VTI1A: variants seen among roughly 807,000 people sequenced by gnomAD.
VTI1A encodes the protein vesicle transport through interaction with t-SNAREs homolog 1A.
Under a neutral mutation model 34.9 loss-of-function variants are expected in VTI1A, and 22 were observed. That is an observed-to-expected ratio of 0.63 (90% confidence interval 0.45 to 0.90). The LOEUF is 0.90. VTI1A is among the 40% of genes least tolerant of loss of function. The probability of loss-of-function intolerance (pLI) is 0.00; values close to 1 mark genes in which losing one functional copy is unlikely to be tolerated. For synonymous variants in VTI1A, 87 were observed against 97.3 expected (o/e 0.89, Z 0.62); for missense variants, 268 against 275.6 (o/e 0.97, Z 0.20).
chr10:112,508,112 T>C (rs1849492522), intron 3 of VTI1A, among the ~76,000 whole-genome samples: 1 of 152,220 alleles, frequency 6.6e-6, no homozygotes, highest in Non-Finnish European at 1.5e-5. Flanking sequence ...TCCTGTGTTA[T>C]TCTTTACATA....
intron 7 of VTI1A, among the ~76,000 whole-genome samples, chr10:112,753,679 C>T (rs552483679): frequency 6.6e-6 from 1 of 152,240 alleles, no homozygotes; most frequent in East Asian, 1.9e-4. Context: ...AGACTTTTTT[C>T]CCCAGACTTC....
intron 3 of VTI1A, among the ~76,000 whole-genome samples, chr10:112,498,866 A>G (rs1157277098): frequency 6.6e-6 from 1 of 152,192 alleles, no homozygotes; most frequent in Non-Finnish European, 1.5e-5. Flanking sequence ...TGTCACTTTA[A>G]TAAATGTCTT....
At chr10:112,757,740 T>TA (rs1387773802) in intron 7 of VTI1A, among the ~76,000 whole-genome samples, 23 of 152,192 alleles carry the variant, frequency 1.5e-4, no homozygotes, top group Non-Finnish European at 2.8e-4. Flanking sequence ...TGTTTCTTTT[T>TA]AAAAACTTGA....
Position 112,716,040 on chromosome 10 carries a change from C to T in VTI1A, c.560+47042C>T, listed in dbSNP as rs539602135. On this transcript the variant is annotated intron_variant, in intron 7 of 7. Transcript: ENST00000393077. Reference sequence around the variant, plus strand: ...AGCCCAGGGACCTGCCAGCTGGGAGCGGACCCCTAGAAGGGGATCTAGTGG... The same window carrying T: ...AGCCCAGGGACCTGCCAGCTGGGAGTGGACCCCTAGAAGGGGATCTAGTGG... Among the ~76,000 whole-genome samples, 6 of 152,204 alleles carry T rather than the reference C, an allele frequency of 3.9e-5. 1 individual carries two copies. Among genetic ancestry groups the T allele is most frequent in the Admixed American group, 1.3e-4 (2 of 15,294 alleles).
the VTI1A span, among the ~76,000 whole-genome samples, chr10:112,853,302 G>A: frequency 6.6e-6 from 1 of 152,172 alleles, no homozygotes; most frequent in Non-Finnish European, 1.5e-5. Context: ...AGACCTGCTT[G>A]CTCAGCTTTT....
chr10:112,697,154 A>C (rs1440896304), intron 7 of VTI1A, among the ~76,000 whole-genome samples: 1 of 151,952 alleles, frequency 6.6e-6, no homozygotes, highest in Non-Finnish European at 1.5e-5. Flanking sequence ...GAGAAGTGGA[A>C]TTGAAACACA....
intron 3 of VTI1A, among the ~76,000 whole-genome samples, chr10:112,465,758 G>T (rs1372560155): frequency 1.3e-5 from 2 of 152,096 alleles, no homozygotes; most frequent in Non-Finnish European, 2.9e-5. Context: ...AGTTTTGCCA[G>T]ACTGAAACTT....
At chr10:112,594,657 AAG>A (rs1373717789) in intron 5 of VTI1A, among the ~76,000 whole-genome samples, 3 of 152,070 alleles carry the variant, frequency 2.0e-5, no homozygotes, top group African/African-American at 7.2e-5. Flanking sequence ...AATGAAATAA[AAG>A]AGGATACAAA....
At chr10:112,668,153 T>G in intron 5 of VTI1A, 65 bp from the exon 6 acceptor site, 1 of 1,345,306 alleles carries the variant, frequency 7.4e-7, no homozygotes, top group Non-Finnish European at 1.1e-6. Flanking sequence ...ATTTTAGTAT[T>G]TCTGAGATTT....
chr10:112,680,419 A>G (rs933488123), intron 7 of VTI1A, among the ~76,000 whole-genome samples: 1 of 152,232 alleles, frequency 6.6e-6, no homozygotes, highest in African/African-American at 2.4e-5. Context: ...TGCCACAAAG[A>G]TAGAGCAGAA....
chr10:112,726,887 A>G (rs1001534517), intron 7 of VTI1A, among the ~76,000 whole-genome samples: 1 of 152,112 alleles, frequency 6.6e-6, no homozygotes, highest in Non-Finnish European at 1.5e-5. Context: ...ACTCCACTCA[A>G]CATTATTTAT....
chr10:112,805,183 T>C (rs1228927167), intron 7 of VTI1A, among the ~76,000 whole-genome samples: 1 of 152,144 alleles, frequency 6.6e-6, no homozygotes, highest in African/African-American at 2.4e-5. Flanking sequence ...TTTTGGCTTT[T>C]AGATCATGAG....
rs201776127 is a variant in VTI1A at position 112,728,296 on chromosome 10, CTG to C, written c.560+59299_560+59300del. ...TGGTGAAATCAGTAGTAGAGGGTGT[CTG>C]GGTATGTGTTGCAAGAGTGACACCT... On this transcript the variant is annotated intron_variant, in intron 7 of 7. Coordinates refer to ENST00000393077, the MANE Select transcript of VTI1A (RefSeq NM_145206.4). Among the ~76,000 whole-genome samples the C allele has an allele frequency of 7.8e-3, 1,182 of 152,198 alleles. 16 individuals carry two copies. The highest frequency in any genetic ancestry group is 0.027 in the African/African-American group (1,141 of 41,518).
At chr10:112,825,965 A>C in the VTI1A span, 10 of 152,376 alleles carry the variant, frequency 6.6e-5, no homozygotes, top group African/African-American at 2.4e-4. Context: ...GACTTTACTT[A>C]GAATGGTATT....
intron 5 of VTI1A, among the ~76,000 whole-genome samples, chr10:112,619,520 C>A (rs7078027): frequency 6.6e-6 from 1 of 151,954 alleles, no homozygotes; most frequent in Admixed American, 6.5e-5. Flanking sequence ...ACCTGGGAGG[C>A]CCCCAAGCGA....
intron 3 of VTI1A, among the ~76,000 whole-genome samples, chr10:112,479,741 C>T (rs1848402897): frequency 6.6e-6 from 1 of 152,190 alleles, no homozygotes; most frequent in Non-Finnish European, 1.5e-5. Context: ...TTAAATTCCC[C>T]TAAATATTAT....
At chr10:112,641,384 G>T (rs1298737892) in intron 5 of VTI1A, among the ~76,000 whole-genome samples, 1 of 152,164 alleles carries the variant, frequency 6.6e-6, no homozygotes, top group African/African-American at 2.4e-5. Flanking sequence ...GCACAATGTG[G>T]AAAGGTTGAG....
intron 5 of VTI1A, among the ~76,000 whole-genome samples, chr10:112,606,947 G>C: frequency 6.6e-6 from 1 of 152,162 alleles, no homozygotes; most frequent in Non-Finnish European, 1.5e-5. Flanking sequence ...TCTCATCCTC[G>C]CAGCAACCCA....
intron 7 of VTI1A, among the ~76,000 whole-genome samples, chr10:112,751,108 G>T (rs1036536163): frequency 6.6e-6 from 1 of 152,154 alleles, no homozygotes; most frequent in Non-Finnish European, 1.5e-5. Context: ...TGTAAATGTG[G>T]ATATGAAGGT....
Sources: gnomAD v4.1 joint callset for allele counts (sites outside exome capture counted in the v4.1 genomes callset) on GRCh38, gnomAD v4.1.1 for gene constraint, MANE v1.5 for transcripts, NCBI Gene and HGNC (gene_info 2026-07-23, HGNC 2026-07-21) for gene names.